Variants in SHBG observed in about 807,000 individuals in gnomAD.
The protein encoded by SHBG is sex hormone-binding globulin.
In SHBG, 37 loss-of-function variants were observed where a neutral mutation model predicts 41.9. The observed-to-expected ratio is 0.88, with a 90% CI of 0.68 to 1.16. The LOEUF (loss-of-function observed/expected upper bound fraction) is 1.16. SHBG is among the 50% of genes most tolerant of loss of function. SHBG has a pLI of 0.00. For missense variants in SHBG, 466 were observed against 499.9 expected (o/e 0.93, Z 0.65); for synonymous variants, 217 against 205.8 (o/e 1.05, Z -0.47).
intron 1 of SHBG, among the ~76,000 whole-genome samples, chr17:7,620,120 C>CAAA (rs71159513): frequency 9.8e-5 from 13 of 132,108 alleles, no homozygotes; most frequent in South Asian, 9.6e-4. Context: ...TATCCCTCTC[C>CAAA]AAAAAAAAAA....
chr17:7,631,101 T>C (rs2072393800), intron 3 of SHBG, 99 bp from the exon 4 acceptor site: 1 of 1,269,070 alleles, frequency 7.9e-7, no homozygotes, highest in African/African-American at 1.5e-5. Context: ...GCTGCTTCTT[T>C]AAGGCATGTT....
chr17:7,623,636 T>G (rs1184261927), upstream of SHBG, among the ~76,000 whole-genome samples: 3 of 152,198 alleles, frequency 2.0e-5, no homozygotes, highest in Non-Finnish European at 4.4e-5. Context: ...GTTTTTGTAT[T>G]TTTTGCAGTG....
At chr17:7,617,646 G>A (rs1483873313) in intron 1 of SHBG, among the ~76,000 whole-genome samples, 1 of 151,956 alleles carries the variant, frequency 6.6e-6, no homozygotes, top group East Asian at 1.9e-4. Flanking sequence ...GGCGATAGAA[G>A]AAAGGAAAAT....
chr17:7,623,854 A>G (rs2072142835), upstream of SHBG, among the ~76,000 whole-genome samples: 1 of 151,148 alleles, frequency 6.6e-6, no homozygotes, highest in African/African-American at 2.4e-5. Flanking sequence ...CTCGACCTCT[A>G]GGGTTCAGGT....
chr17:7,631,007 G>A, intron 3 of SHBG, 138 bp downstream of exon 3: 1 of 976,896 alleles, frequency 1.0e-6, no homozygotes, highest in Non-Finnish European at 1.5e-6. Flanking sequence ...AGCTATTCTT[G>A]GCCCCATCTT....
intron 1 of SHBG, among the ~76,000 whole-genome samples, chr17:7,620,125 A>G (rs1195738527): frequency 3.3e-5 from 5 of 151,850 alleles, no homozygotes; most frequent in Non-Finnish European, 7.4e-5. Flanking sequence ...CTCTCCAAAA[A>G]AAAAAAAAAA....
Position 7,630,622 on chromosome 17 carries a change from C to G in SHBG, c.204-58C>G. Reference sequence around the variant, plus strand: ...CTGTGAACACCATCTCCCCCAAACCCACACTGGTTCTCAAAGGACACATGA... The same window carrying G: ...CTGTGAACACCATCTCCCCCAAACCGACACTGGTTCTCAAAGGACACATGA... On this transcript the variant is annotated intron_variant, in intron 2 of 7. Coordinates refer to ENST00000380450, the MANE Select transcript of SHBG (RefSeq NM_001040.5). This position sits in a 1 kb window ranked among gnomAD's most constrained non-coding sequence, Gnocchi z 4.6. The G allele has an allele frequency of 6.4e-7, 1 of 1,560,990 alleles. No homozygotes were observed. The highest frequency in any genetic ancestry group is 8.8e-7 in the Non-Finnish European group (1 of 1,133,632).
chr17:7,620,513 G>A (rs1039064860), intron 1 of SHBG, among the ~76,000 whole-genome samples: 13 of 152,070 alleles, frequency 8.5e-5, no homozygotes, highest in African/African-American at 2.7e-4. Context: ...GACGGGTGGG[G>A]TTTCACCATG....
chr17:7,626,004 C>T (rs568278378), upstream of SHBG, among the ~76,000 whole-genome samples: 13 of 151,050 alleles, frequency 8.6e-5, no homozygotes, highest in African/African-American at 3.2e-4. Context: ...GAGTTGGAGA[C>T]CAGCCTGGCC....
chr17:7,632,274 C>T (rs187544323), intron 6 of SHBG, among the ~76,000 whole-genome samples: 2 of 150,146 alleles, frequency 1.3e-5, no homozygotes, highest in Admixed American at 6.7e-5. Context: ...GCAGAGACCT[C>T]TGTCTAAAAA....
Position 7,630,848 on chromosome 17 carries a change from G to A in SHBG, c.372G>A (p.Leu124=). ...TTACGGTGGGTGCTGGACCACGGCT[G>A]GATGATGGGAGATGGCACCAGGTAA... ...AQLTVGAGPR[L]DDGRWHQVEV... The change falls in exon 3 of 8, where the codon CTG becomes CTA. Residue 124 remains leucine, a synonymous_variant. Coordinates refer to ENST00000380450, the MANE Select transcript of SHBG (RefSeq NM_001040.5). The surrounding 1 kb of genome is among the most constrained non-coding windows in gnomAD (Gnocchi z 4.6). The A allele has an allele frequency of 1.2e-6, 2 of 1,613,366 alleles. No homozygotes were observed. Among genetic ancestry groups the A allele is most frequent in the Non-Finnish European group, 1.7e-6 (2 of 1,179,998 alleles).
upstream of SHBG, chr17:7,627,740 G>C: frequency 1.5e-6 from 2 of 1,360,160 alleles, no homozygotes; most frequent in Non-Finnish European, 2.1e-6. The surrounding 1 kb of genome is among the most constrained non-coding windows in gnomAD (Gnocchi z 4.8). Context: ...GAGAGAGCGG[G>C]GTGGCGGGAG....
intron 1 of SHBG, among the ~76,000 whole-genome samples, chr17:7,615,483 C>T (rs572581316): frequency 4.6e-5 from 7 of 152,354 alleles, no homozygotes; most frequent in Admixed American, 1.3e-4. Context: ...AGTCATGGCT[C>T]TTACCTTGAA....
chr17:7,632,503 A>G (rs2072451034), intron 6 of SHBG, among the ~76,000 whole-genome samples: 1 of 152,168 alleles, frequency 6.6e-6, no homozygotes, highest in South Asian at 2.1e-4. Context: ...GGGGCGAGGG[A>G]CATATCTTGA....
chr17:7,617,557 T>A lies in SHBG; in HGVS notation c.-62+3446T>A, dbSNP rs1339201171. Among the ~76,000 whole-genome samples, 4 of 151,888 alleles carry A rather than the reference T, an allele frequency of 2.6e-5. No individual in the cohort carries two copies. The East Asian group carries it at 7.7e-4, about 29-fold the overall frequency. ...GGCAGAGGTTGCAGTGAGCCAAGAT[T>A]GTGCCACTGCACTCCAGCCTGGGTG... On this transcript the variant is annotated intron_variant, in intron 1 of 5. Transcript: ENST00000570547.
Position 7,632,871 on chromosome 17 carries a change from G to T in SHBG, c.972G>T (p.Lys324Asn), listed in dbSNP as rs1347434192. 1.2e-6 allele frequency: 2 copies of T among 1,614,170 alleles called. No homozygotes were observed. The highest frequency in any genetic ancestry group is 1.7e-6 in the Non-Finnish European group (2 of 1,180,030). Residue 324 changes from lysine (K) to asparagine (N), a missense_variant, in exon 7 of 8, where the codon AAG becomes AAT. Physicochemically the swap from Lys to Asn is moderately conservative, Grantham distance 94. Transcript: ENST00000380450. ...RVVLSQGSKM[K>N]ALALPPLGLA... ...TCTTGAGCCAAGGGTCGAAGATGAAGGCCCTTGCCCTGCCTCCCTTAGGCC... is the reference window on the plus strand; with the variant it reads ...TCTTGAGCCAAGGGTCGAAGATGAATGCCCTTGCCCTGCCTCCCTTAGGCC...
At chr17:7,627,727 C>A (rs1282167309), upstream of SHBG, 1 of 1,464,628 alleles carries the variant, frequency 6.8e-7, no homozygotes, top group Non-Finnish European at 9.5e-7. The surrounding 1 kb of genome is among the most constrained non-coding windows in gnomAD (Gnocchi z 4.8). Context: ...TCCTGAAGAG[C>A]CTGAGAGAGC....
intron 1 of SHBG, among the ~76,000 whole-genome samples, chr17:7,620,936 T>A (rs1285045517): frequency 6.6e-6 from 1 of 151,288 alleles, no homozygotes; most frequent in Admixed American, 6.6e-5. Context: ...CAGACAAAAA[T>A]TTTGCTTTCA....
intron 1 of SHBG, among the ~76,000 whole-genome samples, chr17:7,616,923 C>G (rs1288808034): frequency 1.3e-5 from 2 of 152,050 alleles, no homozygotes; most frequent in East Asian, 1.9e-4. Context: ...GCAAAAAGAG[C>G]GACACTCTGT....
Sources: allele counts gnomAD v4.1 joint callset (sites outside exome capture counted in the v4.1 genomes callset), GRCh38; gene constraint gnomAD v4.1.1; non-coding constraint Gnocchi (gnomAD v3.1); transcripts MANE v1.5; gene names NCBI Gene and HGNC (gene_info 2026-07-23, HGNC 2026-07-21).